The following ENPP3 variants were observed in gnomAD, a reference collection of about 807,000 sequenced individuals.
The protein encoded by ENPP3 is ectonucleotide pyrophosphatase/phosphodiesterase family member 3.
ENPP3 carries 104 observed loss-of-function variants against 117.8 expected under a neutral mutation model. The observed-to-expected ratio is 0.88, with a 90% CI of 0.75 to 1.04. The LOEUF is 1.04. Among genes scored for constraint, ENPP3 ranks in the 50% least tolerant of loss-of-function variants. The pLI is 0.00. For missense variants in ENPP3, 1,026 were observed against 1,051.9 expected (o/e 0.98, Z 0.34); for synonymous variants, 380 against 349.9 (o/e 1.09, Z -0.96).
chr6:131,662,685 G>T (rs1244671388), intron 6 of ENPP3, among the ~76,000 whole-genome samples: 3 of 152,150 alleles, frequency 2.0e-5, no homozygotes, highest in Admixed American at 6.5e-5. Context: ...TGGTTATCTG[G>T]GGTGTTATGA....
At chr6:131,729,171 T>G (rs1351905901) in intron 20 of ENPP3, among the ~76,000 whole-genome samples, 2 of 152,194 alleles carry the variant, frequency 1.3e-5, no homozygotes, top group Admixed American at 1.3e-4. Flanking sequence ...TTTCTAAAGA[T>G]TATTTTGTGA....
intron 14 of ENPP3, among the ~76,000 whole-genome samples, chr6:131,689,986 G>A (rs987153034): frequency 6.6e-6 from 1 of 152,178 alleles, no homozygotes; most frequent in African/African-American, 2.4e-5. Context: ...GCCTGAAGCT[G>A]TGACTGAGTT....
At chr6:131,715,837 G>C (rs1040166352) in intron 15 of ENPP3, among the ~76,000 whole-genome samples, 20 of 152,016 alleles carry the variant, frequency 1.3e-4, no homozygotes, top group African/African-American at 4.8e-4. Flanking sequence ...AGATGGGCTT[G>C]CCAGGTCCAG....
intron 15 of ENPP3, among the ~76,000 whole-genome samples, chr6:131,713,271 A>G (rs1779825532): frequency 6.7e-6 from 1 of 148,760 alleles, no homozygotes; most frequent in Non-Finnish European, 1.5e-5. Flanking sequence ...TAAATTACCC[A>G]GTCTTGGGTA....
At chr6:131,644,017 G>A (rs1585609804) in intron 2 of ENPP3, among the ~76,000 whole-genome samples, 1 of 151,878 alleles carries the variant, frequency 6.6e-6, no homozygotes, top group South Asian at 2.1e-4. Context: ...CAGAAACATA[G>A]GGATAGGTTG....
At chr6:131,736,096 G>T (rs997942188) in intron 21 of ENPP3, among the ~76,000 whole-genome samples, 15 of 152,224 alleles carry the variant, frequency 9.9e-5, no homozygotes, top group African/African-American at 3.6e-4. Flanking sequence ...AGCACAGAGG[G>T]ATGCAGCACT....
chr6:131,639,214 A>G (rs973943455), intron 1 of ENPP3, among the ~76,000 whole-genome samples: 4 of 150,038 alleles, frequency 2.7e-5, no homozygotes, highest in Non-Finnish European at 3.0e-5. Context: ...TGAGAATTTC[A>G]ATTTCAGAGT....
chr6:131,651,055 G>C (rs1164450526), intron 3 of ENPP3, among the ~76,000 whole-genome samples: 1 of 152,108 alleles, frequency 6.6e-6, no homozygotes, highest in Admixed American at 6.6e-5. Flanking sequence ...AAGTAGCTGG[G>C]ACTACAGGAG....
chr6:131,732,191 A>G lies in ENPP3; in HGVS notation c.1954-1397A>G, dbSNP rs137879514. ...TTTATAAATTATTTCAAATTTTATT[A>G]AGAAAGATATCCATTATGGGCAGTA... is the stretch of plus-strand genomic sequence containing the variant. On this transcript the variant is annotated intron_variant, in intron 20 of 24. Transcript: ENST00000357639. Among the ~76,000 whole-genome samples, 313 of 152,340 alleles carry G rather than the reference A, an allele frequency of 2.1e-3. 1 individual carries two copies. The highest frequency in any genetic ancestry group is 6.9e-3 in the African/African-American group (285 of 41,584).
intron 5 of ENPP3, among the ~76,000 whole-genome samples, 166 bp from the exon 6 acceptor site, chr6:131,658,153 CAAAA>C (rs199850108): frequency 1.2e-5 from 1 of 83,762 alleles, no homozygotes; most frequent in Non-Finnish European, 2.5e-5. Flanking sequence ...AACTGTGTCT[CAAAA>C]AAAAAAAAAA....
At position 131,700,589 on chromosome 6, in the gene ENPP3, T is replaced by C; in HGVS notation, c.1412+6965T>C. The C allele has an allele frequency of 1.8e-5, 27 of 1,532,526 alleles. 3 individuals are homozygous for C. The highest frequency in any genetic ancestry group is 2.3e-5 in the Non-Finnish European group (27 of 1,150,818). The allele number at this position is 1,532,526 out of a possible 1,614,324, so 94.9% of individuals were successfully genotyped here. ...AGAGGCTGTGAAACAGCAGGAGATA[T>C]TTCTTCTGCTCCTTGGGGTTCCCAT... is the stretch of plus-strand genomic sequence containing the variant. On this transcript the variant is annotated intron_variant, in intron 15 of 24. Coordinates refer to ENST00000357639, the MANE Select transcript of ENPP3 (RefSeq NM_005021.5).
At chr6:131,655,913 C>A (rs1778374935) in intron 5 of ENPP3, among the ~76,000 whole-genome samples, 1 of 152,194 alleles carries the variant, frequency 6.6e-6, no homozygotes, top group African/African-American at 2.4e-5. Flanking sequence ...CCATTGAAGT[C>A]ATTCCTGCCT....
intron 6 of ENPP3, among the ~76,000 whole-genome samples, chr6:131,665,588 C>T (rs887458846): frequency 5.9e-5 from 9 of 151,914 alleles, no homozygotes; most frequent in Non-Finnish European, 1.2e-4. Flanking sequence ...ATTGTAATGT[C>T]TCCTCTTTCT....
chr6:131,692,830 T>C (rs1779311220), intron 14 of ENPP3, among the ~76,000 whole-genome samples: 1 of 143,318 alleles, frequency 7.0e-6, no homozygotes, highest in East Asian at 2.0e-4. Flanking sequence ...TGATATGATA[T>C]GTATATATGA....
chr6:131,746,834 A>G lies in ENPP3; in HGVS notation c.2506A>G (p.Ile836Val), dbSNP rs1306810630. ...LWVEERFTAH[I>V]ARVRDVELLT... ...GGTTGAAGAAAGATTTACAGCTCAC[A>G]TTGCCCGGGTCCGTGATGTAGAACT... The change falls in exon 25 of 25, where the codon ATT (isoleucine) becomes GTT (valine). Residue 836 changes from isoleucine (I) to valine (V), a missense_variant. Ile to Val is a conservative substitution (Grantham distance 29, BLOSUM62 3). Coordinates refer to ENST00000357639, the MANE Select transcript of ENPP3 (RefSeq NM_005021.5). The G allele has an allele frequency of 3.1e-6, 5 of 1,612,868 alleles. No homozygotes were observed. The highest frequency in any genetic ancestry group is 3.4e-6 in the Non-Finnish European group (4 of 1,179,618).
intron 6 of ENPP3, among the ~76,000 whole-genome samples, chr6:131,667,139 T>C (rs956383418): frequency 2.6e-5 from 4 of 152,148 alleles, no homozygotes; most frequent in Admixed American, 6.5e-5. Flanking sequence ...GGGCTTTTTT[T>C]TTCTTCTTTA....
chr6:131,717,365 T>C (rs1210610126), intron 15 of ENPP3, among the ~76,000 whole-genome samples: 1 of 117,340 alleles, frequency 8.5e-6, no homozygotes, highest in African/African-American at 3.6e-5. Context: ...TGTGTGTGTG[T>C]GTGTGTGTGT....
intron 12 of ENPP3, among the ~76,000 whole-genome samples, chr6:131,683,555 T>C (rs1183594904): frequency 1.3e-5 from 2 of 152,158 alleles, no homozygotes; most frequent in South Asian, 2.1e-4. Context: ...TTTTTAGTTA[T>C]GTAAATAGAT....
At chr6:131,685,516 A>G in intron 13 of ENPP3, 21 bp downstream of exon 13, 2 of 1,608,088 alleles carry the variant, frequency 1.2e-6, no homozygotes, top group Non-Finnish European at 1.7e-6. Context: ...AGACACCTAT[A>G]TGAAAAAAAG....
Sources: gnomAD v4.1 joint callset for allele counts (sites outside exome capture counted in the v4.1 genomes callset) on GRCh38, gnomAD v4.1.1 for gene constraint, MANE v1.5 for transcripts, NCBI Gene and HGNC (gene_info 2026-07-23, HGNC 2026-07-21) for gene names.